Variants in POLE4 observed in about 807,000 individuals in gnomAD.
The protein encoded by POLE4 is DNA polymerase epsilon 4, accessory subunit.
POLE4 carries 15 observed loss-of-function variants against 15.6 expected under a neutral mutation model. That is an observed-to-expected ratio of 0.96 (90% CI 0.64 to 1.48). The LOEUF (loss-of-function observed/expected upper bound fraction) is 1.48, where lower values mean the gene tolerates loss of function less well. Among genes scored for constraint, POLE4 ranks in the 40% most tolerant of loss-of-function variants. The pLI is 0.00. For missense variants in POLE4, 205 were observed against 151.9 expected, an observed-to-expected ratio of 1.35 and a Z score of -1.84; for synonymous variants, 83 against 63.2, an observed-to-expected ratio of 1.31 and a Z score of -1.49.
At chr2:74,963,144 A>G (rs1321016250) in intron 3 of POLE4, among the ~76,000 whole-genome samples, 1 of 152,236 alleles carries the variant, frequency 6.6e-6, no homozygotes, top group Non-Finnish European at 1.5e-5. Flanking sequence ...TATAAAATAT[A>G]TAATACTGCT....
chr2:74,958,956 G>A, intron 1 of POLE4, 64 bp downstream of exon 1: 2 of 1,439,748 alleles, frequency 1.4e-6, no homozygotes, highest in East Asian at 5.2e-5. Flanking sequence ...GGGCCTCGGG[G>A]CCTCCCGCGG....
rs751308984 is a variant in POLE4 at position 74,959,341 on chromosome 2, G to C, written c.214G>C (p.Glu72Gln). The stretch of plus-strand genomic sequence containing the variant: ...AAAACTTTGCTTTTTTACTTCACAG[G>C]AACTGTTTGTGGAGACCATTGCAAA... ...EAIFILARAA[E>Q]LFVETIAKDA... is the part of the protein sequence containing the mutation. Residue 72 changes from glutamate (E) to glutamine (Q), a missense_variant and splice_region_variant, in exon 2 of 4, where the codon GAA (glutamate) becomes CAA (glutamine). Transcript: ENST00000483063. 1 of 1,611,456 alleles carries C rather than the reference G, an allele frequency of 6.2e-7. No homozygotes were observed. The highest frequency in any genetic ancestry group is 2.2e-5 in the East Asian group (1 of 44,868).
intron 3 of POLE4, among the ~76,000 whole-genome samples, chr2:74,968,998 A>G (rs1383250529): frequency 6.6e-6 from 1 of 152,114 alleles, no homozygotes; most frequent in Non-Finnish European, 1.5e-5. Context: ...TTTGAATGGA[A>G]TCTTGGATGG....
intron 3 of POLE4, among the ~76,000 whole-genome samples, chr2:74,963,110 C>T (rs1470909005): frequency 6.6e-6 from 1 of 152,180 alleles, no homozygotes; most frequent in African/African-American, 2.4e-5. Flanking sequence ...GTACATATTT[C>T]TCTAGGGTGG....
chr2:74,966,381 T>C (rs1671296520), intron 3 of POLE4, among the ~76,000 whole-genome samples: 1 of 152,166 alleles, frequency 6.6e-6, no homozygotes, highest in South Asian at 2.1e-4. Flanking sequence ...AGTCACATAC[T>C]ACCTTTGCTT....
Position 74,969,627 on chromosome 2 carries a change from A to C in POLE4, c.*205A>C. 1 of 618,876 alleles carries C rather than the reference A, an allele frequency of 1.6e-6. No homozygotes were observed. The allele number at this position is 618,876 out of a possible 1,614,324, so 38.3% of individuals were successfully genotyped here. ...CTATTTCTGTCTGTCTTCCATATCA[A>C]GCCTGGATGCAGCTGCTGCTGCTTA... On this transcript the variant is annotated 3_prime_UTR_variant, in exon 4 of 4. Transcript: ENST00000483063.
rs765971661 is a variant in POLE4, at chr2:74,960,368, TAGG to T, written c.340+226_340+228del. ...CTGAAAATTGCTAACCATAAAGAAA[TAGG>T]AGGGAATATAAAGATCCCAGTGGAG... On this transcript the variant is annotated intron_variant, in intron 3 of 3. Transcript: ENST00000483063. The T allele has an allele frequency of 1.0e-5, 6 of 583,222 alleles. No individual in the cohort carries two copies. In the East Asian group the frequency reaches 1.1e-4, roughly 11 times the overall value. 36.1% of individuals were successfully genotyped at this position (583,222 alleles called of 1,614,324 possible).
intron 2 of POLE4, chr2:74,959,697 T>A (rs1671187631): frequency 2.4e-6 from 1 of 424,758 alleles, no homozygotes; most frequent in South Asian, 4.2e-5. Flanking sequence ...ATATTTCTTT[T>A]TCACCTAGCA....
chr2:74,958,684 C>CGGCGGG lies in POLE4; in HGVS notation c.10_11insGGGCGG (p.Ala3_Ala4insGlyAla). 1 of 1,420,728 alleles carries CGGCGGG rather than the reference C, an allele frequency of 7.0e-7. No individual in the cohort carries two copies. Among genetic ancestry groups the CGGCGGG allele is most frequent in the Non-Finnish European group, 9.2e-7 (1 of 1,086,938 alleles). 88.0% of individuals were successfully genotyped at this position (1,420,728 alleles called of 1,614,324 possible). ...CGCAGCACGCTCAAGGCCGGGATGG[C>CGGCGGG]GGCGGCGGCGGCGGCAGGAAGCGGG... On this transcript the variant is annotated inframe_insertion, in exon 1 of 4. Transcript: ENST00000483063.
At chr2:74,968,744 C>A (rs971892221) in intron 3 of POLE4, among the ~76,000 whole-genome samples, 3 of 151,610 alleles carry the variant, frequency 2.0e-5, no homozygotes, top group Admixed American at 6.6e-5. Context: ...GGTCATTAAC[C>A]CATTTTCATC....
At position 74,959,236 on chromosome 2, in the gene POLE4, C is replaced by A. The variant is rs1000929252; in HGVS notation, c.214-105C>A. The A allele has an allele frequency of 4.3e-6, 3 of 689,670 alleles. No homozygotes were observed. In the African/African-American group the frequency reaches 5.4e-5, roughly 12 times the overall value. 42.7% of individuals were successfully genotyped at this position (689,670 alleles called of 1,614,324 possible). On this transcript the variant is annotated intron_variant, in intron 1 of 3. Transcript: ENST00000483063. ...TCTTAGCTTCCAGAACATTTTCTTG[C>A]CCCGAGCCTTTCTTCTCCCTTTCTG...
At chr2:74,960,515 G>A in intron 3 of POLE4, 2 of 478,192 alleles carry the variant, frequency 4.2e-6, no homozygotes, top group South Asian at 3.1e-5. Flanking sequence ...GTCACCGCTT[G>A]TTCTTTTTTC....
In POLE4 at chr2:74,958,710, A is replaced by G. The variant is rs1263344231; in HGVS notation, c.31A>G (p.Thr11Ala). 3.4e-6 allele frequency: 5 copies of G among 1,480,876 alleles called. No homozygotes were observed. Among genetic ancestry groups the G allele is most frequent in the East Asian group, 5.7e-5 (2 of 34,932 alleles). The allele number at this position is 1,480,876 out of a possible 1,614,324, so 91.7% of individuals were successfully genotyped here. ...GGCGGCGGCGGCGGCAGGAAGCGGG[A>G]CGCCCCGAGAGGAGGAGGGACCTGC... MAAAAAAGSG[T>A]PREEEGPAGE... Residue 11 changes from threonine (T) to alanine (A), a missense_variant, in exon 1 of 4, where the codon ACG (threonine) becomes GCG (alanine). Transcript: ENST00000483063.
rs1671347855 is a variant in POLE4 at position 74,969,913 on chromosome 2, C to T, written c.*491C>T. 1 of 155,998 alleles carries T rather than the reference C, an allele frequency of 6.4e-6. No individual in the cohort carries two copies. The highest frequency in any genetic ancestry group is 6.3e-5 in the Admixed American group (1 of 15,944). 9.7% of individuals were successfully genotyped at this position (155,998 alleles called of 1,614,324 possible). A position where few individuals can be genotyped will look rare whatever the true frequency, so the allele number is the denominator to read the frequency against. On this transcript the variant is annotated 3_prime_UTR_variant, in exon 4 of 4. Coordinates refer to ENST00000483063, the MANE Select transcript of POLE4 (RefSeq NM_019896.4). ...AAGTGGTTCCAGAATTTATGGAACA[C>T]CACTTGCCCTCAGGAGTTCAAATAA...
chr2:74,958,897 G>C lies in POLE4; in HGVS notation c.213+5G>C, dbSNP rs552059086. ...TTCATTCTGGCACGAGCCGCGGTGC[G>C]CCTGCAGCGCGAGGGCATGCGGGAG... On this transcript the variant is annotated splice_donor_5th_base_variant and intron_variant, in intron 1 of 3. Transcript: ENST00000483063. 6.4e-7 allele frequency: 1 copy of C among 1,552,158 alleles called. No individual in the cohort carries two copies. Among genetic ancestry groups the C allele is most frequent in the Non-Finnish European group, 8.7e-7 (1 of 1,147,126 alleles).
chr2:74,960,429 G>C (rs943599598), intron 3 of POLE4, among the ~76,000 whole-genome samples: 1 of 152,162 alleles, frequency 6.6e-6, no homozygotes, highest in African/African-American at 2.4e-5. Context: ...TTCCTACTTT[G>C]ATCGCCATCC....
At chr2:74,958,970 G>A in intron 1 of POLE4, 78 bp downstream of exon 1, 1 of 1,345,776 alleles carries the variant, frequency 7.4e-7, no homozygotes, top group Admixed American at 2.3e-5. Flanking sequence ...CCCGCGGGCG[G>A]GGCTTAGGGC....
At chr2:74,967,342 A>G (rs1177781019) in intron 3 of POLE4, among the ~76,000 whole-genome samples, 1 of 138,496 alleles carries the variant, frequency 7.2e-6, no homozygotes, top group African/African-American at 2.7e-5. Flanking sequence ...TTTTAGTTTC[A>G]GTTTTTGTAT....
chr2:74,958,693 C>T lies in POLE4; in HGVS notation c.14C>T (p.Ala5Val), dbSNP rs1488195945. 2.7e-6 allele frequency: 4 copies of T among 1,468,760 alleles called. No individual in the cohort carries two copies. Among genetic ancestry groups the T allele is most frequent in the Admixed American group, 5.9e-5 (2 of 34,042 alleles). The allele number at this position is 1,468,760 out of a possible 1,614,324, so 91.0% of individuals were successfully genotyped here. ...CTCAAGGCCGGGATGGCGGCGGCGG[C>T]GGCGGCAGGAAGCGGGACGCCCCGA... MAAAAAAGSGTPREE... is the reference protein window; with the variant it reads MAAAVAAGSGTPREE... The change falls in exon 1 of 4, where the codon GCG becomes GTG. Residue 5 changes from alanine to valine, a missense_variant. Coordinates refer to ENST00000483063, the MANE Select transcript of POLE4 (RefSeq NM_019896.4).
Sources: gnomAD v4.1 joint callset for allele counts (sites outside exome capture counted in the v4.1 genomes callset) on GRCh38, gnomAD v4.1.1 for gene constraint, MANE v1.5 for transcripts, NCBI Gene and HGNC (gene_info 2026-07-23, HGNC 2026-07-21) for gene names.